RBMS3: variants seen among roughly 807,000 people sequenced by gnomAD.
The protein encoded by RBMS3 is RNA-binding motif, single-stranded-interacting protein 3.
A neutral mutation model predicts 66.8 loss-of-function variants in RBMS3; 27 were observed. The observed-to-expected ratio is 0.40, with a 90% CI of 0.30 to 0.56. The LOEUF is 0.56. Among genes scored for constraint, RBMS3 ranks in the 20% least tolerant of loss-of-function variants. The probability of loss-of-function intolerance (pLI) is 0.40; values close to 1 mark genes in which losing one functional copy is unlikely to be tolerated. For missense variants in RBMS3, 513 were observed against 549.5 expected (o/e 0.93, Z 0.66); for synonymous variants, 188 against 183.0 (o/e 1.03, Z -0.22).
intron 14 of RBMS3, among the ~76,000 whole-genome samples, chr3:29,997,411 C>T (rs914736623): frequency 6.7e-6 from 1 of 149,402 alleles, no homozygotes; most frequent in African/African-American, 2.5e-5. Context: ...CTCCCTAACT[C>T]ATTTTATGAG....
chr3:29,473,376 C>T (rs1379807493), intron 2 of RBMS3, among the ~76,000 whole-genome samples: 1 of 152,280 alleles, frequency 6.6e-6, no homozygotes, highest in Non-Finnish European at 1.5e-5. Context: ...GGTGCATTCA[C>T]AAACCCTTAG....
At chr3:29,737,257 G>A (rs1007805520) in intron 4 of RBMS3, among the ~76,000 whole-genome samples, 1 of 152,180 alleles carries the variant, frequency 6.6e-6, no homozygotes, top group East Asian at 1.9e-4. Flanking sequence ...TTACAGGCAT[G>A]AGCCACTGCG....
chr3:29,693,848 C>T (rs1296508312), intron 4 of RBMS3, among the ~76,000 whole-genome samples: 1 of 152,088 alleles, frequency 6.6e-6, no homozygotes, highest in Non-Finnish European at 1.5e-5. Flanking sequence ...TGTTTGTCCC[C>T]TCTTAGCTAG....
chr3:29,320,084 C>G (rs1559485051), intron 1 of RBMS3, among the ~76,000 whole-genome samples: 1 of 152,068 alleles, frequency 6.6e-6, no homozygotes, highest in Non-Finnish European at 1.5e-5. Context: ...CTTACCTCAT[C>G]AAGTCCTTTT....
At chr3:29,875,254 G>T (rs1328319731) in intron 7 of RBMS3, among the ~76,000 whole-genome samples, 1 of 152,044 alleles carries the variant, frequency 6.6e-6, no homozygotes, top group Non-Finnish European at 1.5e-5. Context: ...CAACCTCCAG[G>T]TAACATCAAA....
chr3:29,394,592 A>G (rs1335590914), intron 1 of RBMS3, among the ~76,000 whole-genome samples: 1 of 152,208 alleles, frequency 6.6e-6, no homozygotes, highest in East Asian at 1.9e-4. Context: ...GGTGTAAGAA[A>G]TTATAAAAGT....
At chr3:29,626,759 C>T (rs567802062) in intron 4 of RBMS3, among the ~76,000 whole-genome samples, 1 of 152,186 alleles carries the variant, frequency 6.6e-6, no homozygotes, top group South Asian at 2.1e-4. Context: ...GTAAATAGAA[C>T]AAGGACATAG....
chr3:29,990,560 G>A (rs1318727878), intron 13 of RBMS3, among the ~76,000 whole-genome samples: 1 of 150,922 alleles, frequency 6.6e-6, no homozygotes. Context: ...ATGACTTTCA[G>A]TTCATATACC....
At position 29,752,096 on chromosome 3, in the gene RBMS3, G is replaced by A. The variant is rs189393246; in HGVS notation, c.558-10814G>A. Among the ~76,000 whole-genome samples the A allele has an allele frequency of 8.5e-5, 13 of 152,306 alleles. No homozygotes were observed. The East Asian group carries it at 2.3e-3, about 27-fold the overall frequency. Reference sequence around the variant, plus strand: ...TGAGGTCACACGAACAATTTGGAGGGTGGTGAATGCAGAGGATTTTATCGT... The same window carrying A: ...TGAGGTCACACGAACAATTTGGAGGATGGTGAATGCAGAGGATTTTATCGT... On this transcript the variant is annotated intron_variant, in intron 5 of 14. Transcript: ENST00000383767.
At chr3:29,473,495 C>T (rs879337146) in intron 2 of RBMS3, among the ~76,000 whole-genome samples, 1 of 152,210 alleles carries the variant, frequency 6.6e-6, no homozygotes, top group African/African-American at 2.4e-5. Flanking sequence ...AGTCCCGCGC[C>T]GTGCGCCTGC....
At chr3:29,570,693 A>G (rs898917160) in intron 3 of RBMS3, among the ~76,000 whole-genome samples, 11 of 152,132 alleles carry the variant, frequency 7.2e-5, no homozygotes, top group African/African-American at 2.7e-4. Context: ...TCCATTGTGT[A>G]TAAGTACCAC....
chr3:29,511,456 A>G (rs1559424669), intron 3 of RBMS3, among the ~76,000 whole-genome samples: 1 of 152,208 alleles, frequency 6.6e-6, no homozygotes, highest in African/African-American at 2.4e-5. Context: ...TATTCAGTAT[A>G]TAACATGTGG....
intron 1 of RBMS3, among the ~76,000 whole-genome samples, chr3:29,285,469 C>T (rs1241114213): frequency 6.6e-6 from 1 of 152,060 alleles, no homozygotes; most frequent in Non-Finnish European, 1.5e-5. Flanking sequence ...TCCTTTCTTC[C>T]TTTTCCACAC....
At chr3:29,319,971 C>T (rs1433074737) in intron 1 of RBMS3, among the ~76,000 whole-genome samples, 4 of 152,034 alleles carry the variant, frequency 2.6e-5, no homozygotes, top group South Asian at 2.1e-4. Flanking sequence ...ATTCTGGAGC[C>T]GGGTTTTAAA....
chr3:29,815,489 T>C (rs2057860547), intron 6 of RBMS3, among the ~76,000 whole-genome samples: 1 of 152,178 alleles, frequency 6.6e-6, no homozygotes, highest in South Asian at 2.1e-4. Context: ...AATCCCTCTA[T>C]ACCTCAGTTT....
chr3:29,360,706 A>G (rs1386752907), intron 1 of RBMS3, among the ~76,000 whole-genome samples: 1 of 151,924 alleles, frequency 6.6e-6, no homozygotes, highest in African/African-American at 2.4e-5. Context: ...GTCTCTAAGG[A>G]CTTGCTTTAT....
At chr3:29,887,468 C>G (rs2059899423) in intron 8 of RBMS3, among the ~76,000 whole-genome samples, 1 of 151,732 alleles carries the variant, frequency 6.6e-6, no homozygotes, top group Non-Finnish European at 1.5e-5. Flanking sequence ...CTTTGCTTGG[C>G]ACTGATTCCT....
At chr3:29,896,607 C>A (rs993493459) in intron 8 of RBMS3, among the ~76,000 whole-genome samples, 2 of 151,506 alleles carry the variant, frequency 1.3e-5, no homozygotes, top group Middle Eastern at 3.2e-3. Context: ...AGTAACTCAT[C>A]GACTCTACAG....
At chr3:29,318,256 ACTT>A (rs1362491919) in intron 1 of RBMS3, among the ~76,000 whole-genome samples, 1 of 151,832 alleles carries the variant, frequency 6.6e-6, no homozygotes. Flanking sequence ...AAGTTGGTTT[ACTT>A]CTTCTTAGGT....
Sources: gnomAD v4.1 joint callset for allele counts (sites outside exome capture counted in the v4.1 genomes callset) on GRCh38, gnomAD v4.1.1 for gene constraint, MANE v1.5 for transcripts, NCBI Gene and HGNC (gene_info 2026-07-23, HGNC 2026-07-21) for gene names.